The following MYO1D variants were observed in gnomAD, a reference collection of about 807,000 sequenced individuals.
MYO1D encodes myosin ID.
In MYO1D, 83 loss-of-function variants were observed where a neutral mutation model predicts 122.0. The observed-to-expected ratio is 0.68, with a 90% CI of 0.57 to 0.82. The LOEUF (loss-of-function observed/expected upper bound fraction) is 0.82, where lower values mean the gene tolerates loss of function less well. Among genes scored for constraint, MYO1D ranks in the 40% least tolerant of loss-of-function variants. The probability of loss-of-function intolerance (pLI) is 0.00; values close to 1 mark genes in which losing one functional copy is unlikely to be tolerated. For synonymous variants in MYO1D, 464 were observed against 446.9 expected (o/e 1.04, Z -0.48); for missense variants, 1,157 against 1,269.5 (o/e 0.91, Z 1.35).
chr17:32,584,694 C>G (rs1009758453), intron 21 of MYO1D, among the ~76,000 whole-genome samples: 13 of 152,024 alleles, frequency 8.6e-5, no homozygotes, highest in African/African-American at 2.2e-4. Context: ...AGAGTCTTGC[C>G]ATGTTGCTCA....
At chr17:32,717,751 C>T (rs1235092213) in intron 15 of MYO1D, among the ~76,000 whole-genome samples, 3 of 152,208 alleles carry the variant, frequency 2.0e-5, no homozygotes, top group Non-Finnish European at 2.9e-5. Context: ...TCCCCAAAGG[C>T]AGTTTGTCTT....
intron 21 of MYO1D, among the ~76,000 whole-genome samples, chr17:32,516,992 C>G (rs1909914966): frequency 6.6e-6 from 1 of 151,964 alleles, no homozygotes; most frequent in Non-Finnish European, 1.5e-5. Context: ...AGCGTGGGTG[C>G]ATAGTGATTC....
At chr17:32,777,672 G>A (rs1365436136) in intron 3 of MYO1D, among the ~76,000 whole-genome samples, 6 of 152,116 alleles carry the variant, frequency 3.9e-5, no homozygotes, top group African/African-American at 7.2e-5. Flanking sequence ...TCGGCCGGGC[G>A]CGGTGGCACA....
intron 21 of MYO1D, among the ~76,000 whole-genome samples, chr17:32,533,839 AC>A (rs1163256758): frequency 4.6e-5 from 7 of 152,374 alleles, no homozygotes; most frequent in African/African-American, 1.7e-4. Flanking sequence ...ATGAAGTGTT[AC>A]AAATATTTAT....
chr17:32,780,859 T>G, intron 1 of MYO1D, 75 bp from the exon 2 acceptor site: 1 of 1,417,108 alleles, frequency 7.1e-7, no homozygotes, highest in Non-Finnish European at 9.8e-7. Context: ...GTGAGTCTCT[T>G]ATTTCCAAGG....
chr17:32,618,055 C>T (rs954445827), intron 20 of MYO1D, among the ~76,000 whole-genome samples: 1 of 152,126 alleles, frequency 6.6e-6, no homozygotes, highest in Non-Finnish European at 1.5e-5. Context: ...TTCAGGGCTA[C>T]TAGGCTCTCT....
At chr17:32,529,010 T>G (rs1413621232) in intron 21 of MYO1D, 1 of 152,260 alleles carries the variant, frequency 6.6e-6, no homozygotes, top group East Asian at 1.9e-4. Flanking sequence ...CGGTAGATGG[T>G]GTCCTCGGAT....
intron 16 of MYO1D, among the ~76,000 whole-genome samples, chr17:32,707,142 C>T (rs1045313634): frequency 6.6e-6 from 1 of 152,024 alleles, no homozygotes; most frequent in Non-Finnish European, 1.5e-5. Flanking sequence ...AACTGTAATA[C>T]ATAATATTAA....
intron 1 of MYO1D, among the ~76,000 whole-genome samples, chr17:32,811,752 G>A (rs1369057997): frequency 3.3e-5 from 5 of 150,884 alleles, no homozygotes; most frequent in African/African-American, 7.3e-5. Context: ...TTAGTCTAAG[G>A]TAAAGCTGGG....
At chr17:32,597,931 G>A (rs971745318) in intron 21 of MYO1D, among the ~76,000 whole-genome samples, 10 of 151,044 alleles carry the variant, frequency 6.6e-5, no homozygotes, top group Admixed American at 1.3e-4. Context: ...ATGGTGGTAC[G>A]GTACACACAC....
intron 1 of MYO1D, among the ~76,000 whole-genome samples, chr17:32,795,839 T>C (rs763713132): frequency 4.9e-4 from 74 of 151,962 alleles, no homozygotes; most frequent in Admixed American, 1.6e-3. Flanking sequence ...CGACACTTCC[T>C]GTTTACAGGA....
At chr17:32,628,375 G>T (rs1034363429) in intron 20 of MYO1D, among the ~76,000 whole-genome samples, 1 of 152,170 alleles carries the variant, frequency 6.6e-6, no homozygotes, top group Admixed American at 6.5e-5. Context: ...ACAATTATAT[G>T]ACCATGCCAT....
At chr17:32,512,068 A>G (rs1212982568) in intron 21 of MYO1D, among the ~76,000 whole-genome samples, 1 of 152,158 alleles carries the variant, frequency 6.6e-6, no homozygotes, top group Non-Finnish European at 1.5e-5. Flanking sequence ...TGGGAGGCCG[A>G]GGTGGGCGGA....
intron 15 of MYO1D, among the ~76,000 whole-genome samples, chr17:32,718,863 C>G (rs2089476903): frequency 6.6e-6 from 1 of 152,174 alleles, no homozygotes; most frequent in Non-Finnish European, 1.5e-5. Flanking sequence ...ACTATCCAGT[C>G]CCGAGACTTT....
intron 20 of MYO1D, among the ~76,000 whole-genome samples, chr17:32,632,877 G>T (rs2088040328): frequency 1.3e-5 from 2 of 152,098 alleles, no homozygotes; most frequent in African/African-American, 4.8e-5. Context: ...ACAGAGCAGA[G>T]AATCCGGAAG....
chr17:32,728,698 C>T (rs2089603779), intron 14 of MYO1D, among the ~76,000 whole-genome samples: 2 of 151,866 alleles, frequency 1.3e-5, no homozygotes, highest in South Asian at 4.1e-4. Flanking sequence ...AACCTTAGGT[C>T]AAAAAGGAAA....
intron 1 of MYO1D, among the ~76,000 whole-genome samples, chr17:32,834,794 A>G (rs1010407079): frequency 2.6e-5 from 4 of 152,244 alleles, no homozygotes; most frequent in African/African-American, 9.6e-5. Flanking sequence ...CGGGCAGATC[A>G]CAAGGTCAAG....
intron 16 of MYO1D, among the ~76,000 whole-genome samples, chr17:32,678,174 A>C (rs1309423180): frequency 1.3e-5 from 2 of 150,836 alleles, no homozygotes; most frequent in Non-Finnish European, 3.0e-5. Context: ...CTAGGGTTAA[A>C]TCCTTCATAT....
intron 16 of MYO1D, among the ~76,000 whole-genome samples, chr17:32,693,598 A>G (rs1395656006): frequency 4.6e-5 from 7 of 152,200 alleles, no homozygotes; most frequent in Non-Finnish European, 8.8e-5. Flanking sequence ...TGGCATAATT[A>G]TATTTTAAAA....
Sources: gnomAD v4.1 joint callset for allele counts (sites outside exome capture counted in the v4.1 genomes callset) on GRCh38, gnomAD v4.1.1 for gene constraint, MANE v1.5 for transcripts, NCBI Gene and HGNC (gene_info 2026-07-23, HGNC 2026-07-21) for gene names.